ZNF207: variants seen among roughly 807,000 people sequenced by gnomAD.
ZNF207 encodes the protein zinc finger protein 207.
ZNF207 carries 24 observed loss-of-function variants against 60.2 expected under a neutral mutation model. The observed-to-expected ratio is 0.40, with a 90% CI of 0.29 to 0.56. ZNF207 has a LOEUF of 0.56. ZNF207 is among the 20% of genes least tolerant of loss of function. ZNF207 has a pLI of 0.49. For missense variants in ZNF207, 452 were observed against 636.6 expected, an observed-to-expected ratio of 0.71 and a Z score of 3.12; for synonymous variants, 236 against 194.7, an observed-to-expected ratio of 1.21 and a Z score of -1.77.
intron 2 of ZNF207, among the ~76,000 whole-genome samples, chr17:32,352,246 A>G (rs767954477): frequency 1.2e-4 from 18 of 152,098 alleles, no homozygotes; most frequent in Non-Finnish European, 2.5e-4. Context: ...CTGGGATTAC[A>G]GGCGTGAGCC....
In ZNF207 at chr17:32,358,577, T is replaced by C; in HGVS notation, c.243T>C (p.Gly81=). 1 of 1,554,830 alleles carries C rather than the reference T, an allele frequency of 6.4e-7. No homozygotes were observed. Among genetic ancestry groups the C allele is most frequent in the Non-Finnish European group, 8.6e-7 (1 of 1,157,478 alleles). The change falls in exon 3 of 12, where the codon GGT becomes GGC. Residue 81 remains glycine, a synonymous_variant. Transcript: ENST00000394670. ...GRTDIELEIY[G]MEGIPEKDMD... is the part of the protein sequence containing the mutation. ...CAGACATAGAGTTGGAAATATATGG[T>C]ATGGAAGGTATTCCAGAAAAAGACA...
Position 32,371,787 on chromosome 17 carries a change from G to A in ZNF207, c.*2028G>A, listed in dbSNP as rs1486792858. The A allele has an allele frequency of 6.6e-6, 1 of 152,162 alleles. No homozygotes were observed. The highest frequency in any genetic ancestry group is 1.5e-5 in the Non-Finnish European group (1 of 68,028). The allele number at this position is 152,162 out of a possible 1,614,324, so 9.4% of individuals were successfully genotyped here. A position where few individuals can be genotyped will look rare whatever the true frequency, so the allele number is the denominator to read the frequency against. On this transcript the variant is annotated 3_prime_UTR_variant, in exon 12 of 12. Coordinates refer to ENST00000394670, the MANE Select transcript of ZNF207 (RefSeq NM_001098507.2). ...TTCAATGATTTTGGCTCCTGTGCTT[G>A]TGGTACCATAGTGGTACAAAAATTT...
chr17:32,367,282 T>TGTATATATATATATATATATATATATAA (rs1905240469), intron 9 of ZNF207, among the ~76,000 whole-genome samples: 6 of 82,854 alleles, frequency 7.2e-5, no homozygotes, highest in Admixed American at 1.3e-4. Flanking sequence ...TATATATATA[T>TGTATATATATATATATATATATATATAA]ATAAAGAATA....
At chr17:32,365,529 G>C (rs756820691) in intron 8 of ZNF207, 42 bp downstream of exon 8, 73 of 1,598,442 alleles carry the variant, frequency 4.6e-5, no homozygotes, top group Non-Finnish European at 4.8e-5. Context: ...TATATTTAAA[G>C]ATAAAGTACA....
rs977827749 is a variant in ZNF207, at chr17:32,380,538, G to A, written c.*10779G>A. The A allele has an allele frequency of 6.6e-6, 1 of 152,134 alleles. No individual in the cohort carries two copies. 9.4% of individuals were successfully genotyped at this position (152,134 alleles called of 1,614,324 possible). The stretch of plus-strand genomic sequence containing the variant: ...CGATGATGGCTTTCAGTTTATTTAA[G>A]TCTTCTGTTTTTCAGCTCCAGTTAA... On this transcript the variant is annotated 3_prime_UTR_variant, in exon 12 of 12. Coordinates refer to ENST00000394670, the MANE Select transcript of ZNF207 (RefSeq NM_001098507.2).
At position 32,375,529 on chromosome 17, in the gene ZNF207, T is replaced by C. The variant is rs1352436612; in HGVS notation, c.*5770T>C. 2 of 152,122 alleles carry C rather than the reference T, an allele frequency of 1.3e-5. No individual in the cohort carries two copies. The highest frequency in any genetic ancestry group is 2.9e-5 in the Non-Finnish European group (2 of 67,948). 9.4% of individuals were successfully genotyped at this position (152,122 alleles called of 1,614,324 possible). ...GATAGTTCCTTTTTTTTTGTAGTTCTGTGACTCAGACAAATAAGATTTTGA... is the reference window on the plus strand; with the variant it reads ...GATAGTTCCTTTTTTTTTGTAGTTCCGTGACTCAGACAAATAAGATTTTGA... On this transcript the variant is annotated 3_prime_UTR_variant, in exon 12 of 12. Coordinates refer to ENST00000394670, the MANE Select transcript of ZNF207 (RefSeq NM_001098507.2).
At chr17:32,363,488 G>T (rs1904997920) in intron 7 of ZNF207, among the ~76,000 whole-genome samples, 2 of 120,490 alleles carry the variant, frequency 1.7e-5, no homozygotes, top group African/African-American at 6.1e-5. Context: ...GCTTGTATTT[G>T]TTAGGAATGT....
intron 8 of ZNF207, 106 bp from the exon 9 acceptor site, chr17:32,366,559 A>T (rs1159354297): frequency 1.3e-6 from 1 of 765,498 alleles, no homozygotes; most frequent in Non-Finnish European, 1.9e-6. Flanking sequence ...GATTGCATTA[A>T]ATTTTGCATT....
At position 32,365,377 on chromosome 17, in the gene ZNF207, G is replaced by A. The variant is rs3795244; in HGVS notation, c.718G>A (p.Ala240Thr). ...TCCTGGAATTCCTCCAATGACTCAAGCACAGGCTGTTTCAGCGCCAGGTAT... is the reference window on the plus strand; with the variant it reads ...TCCTGGAATTCCTCCAATGACTCAAACACAGGCTGTTTCAGCGCCAGGTAT... ...PRPGIPPMTQ[A>T]QAVSAPGILN... The change falls in exon 8 of 12, where the codon GCA (alanine) becomes ACA (threonine). Residue 240 changes from alanine to threonine, a missense_variant. Ala to Thr is a moderately conservative substitution (Grantham distance 58). This residue lies in a region of ZNF207 where 390 missense variants were observed against 461.4 expected (regional missense o/e 0.85). Coordinates refer to ENST00000394670, the MANE Select transcript of ZNF207 (RefSeq NM_001098507.2). The A allele has an allele frequency of 1.2e-6, 2 of 1,613,986 alleles. No individual in the cohort carries two copies. Among genetic ancestry groups the A allele is most frequent in the East Asian group, 2.2e-5 (1 of 44,880 alleles).
chr17:32,362,032 A>G (rs917283337), intron 6 of ZNF207, among the ~76,000 whole-genome samples: 3 of 151,812 alleles, frequency 2.0e-5, no homozygotes, highest in African/African-American at 7.3e-5. Flanking sequence ...TTTTTAAGTC[A>G]TGGTTTAGTG....
intron 9 of ZNF207, among the ~76,000 whole-genome samples, chr17:32,367,288 GA>G (rs1158458949): frequency 4.4e-5 from 2 of 44,972 alleles, no homozygotes; most frequent in Non-Finnish European, 1.1e-4. Context: ...TATATATAAA[GA>G]ATACTACTAA....
intron 2 of ZNF207, among the ~76,000 whole-genome samples, chr17:32,357,332 TATTA>T (rs1904567716): frequency 4.4e-5 from 4 of 90,974 alleles, no homozygotes; most frequent in African/African-American, 1.8e-4. Flanking sequence ...TTATTATTAT[TATTA>T]TTATTATTAT....
chr17:32,355,340 G>A (rs992851596), intron 2 of ZNF207, among the ~76,000 whole-genome samples: 1 of 152,194 alleles, frequency 6.6e-6, no homozygotes, highest in African/African-American at 2.4e-5. Context: ...AGTGAGCCGT[G>A]ATAGCACTAC....
At chr17:32,357,336 ATTATTATTATTATTATTT>A (rs1214514333) in intron 2 of ZNF207, among the ~76,000 whole-genome samples, 17 of 87,866 alleles carry the variant, frequency 1.9e-4, no homozygotes, top group African/African-American at 7.5e-4. Context: ...TATTATTATT[ATTATTATTATTATTATTT>A]TTTTTTTTTT....
Position 32,357,014 on chromosome 17 carries a change from G to A in ZNF207, c.169-1489G>A, listed in dbSNP as rs182260451. 4.2e-3 allele frequency among the ~76,000 whole-genome samples: 632 copies of A among 151,900 alleles called. 25 individuals are homozygous for A. Among genetic ancestry groups the A allele is most frequent in the Admixed American group, 0.037 (564 of 15,256 alleles). ...CTGGGGAACATAACAAAACTACCTCGCCACAGAAAATACAAAAATTAGCCA... is the reference window on the plus strand; with the variant it reads ...CTGGGGAACATAACAAAACTACCTCACCACAGAAAATACAAAAATTAGCCA... On this transcript the variant is annotated intron_variant, in intron 2 of 11. Transcript: ENST00000394670.
At chr17:32,363,571 G>A (rs996165802) in intron 7 of ZNF207, among the ~76,000 whole-genome samples, 1 of 90,070 alleles carries the variant, frequency 1.1e-5, no homozygotes, top group Non-Finnish European at 2.1e-5. Flanking sequence ...ATGGAATCTC[G>A]CTCTGTCACC....
chr17:32,376,519 T>C lies in ZNF207; in HGVS notation c.*6760T>C, dbSNP rs190577494. The C allele has an allele frequency of 5.9e-5, 9 of 152,208 alleles. No individual in the cohort carries two copies. The East Asian group carries it at 1.7e-3, about 29-fold the overall frequency. 9.4% of individuals were successfully genotyped at this position (152,208 alleles called of 1,614,324 possible). A position where few individuals can be genotyped will look rare whatever the true frequency, so the allele number is the denominator to read the frequency against. On this transcript the variant is annotated 3_prime_UTR_variant, in exon 12 of 12. Transcript: ENST00000394670. ...TCATCTCTCTTTAAATCTGTTCAGT[T>C]AGTCTCATGTATTCTCAGGGGAAAA...
At position 32,374,874 on chromosome 17, in the gene ZNF207, T is replaced by A. The variant is rs919289557; in HGVS notation, c.*5115T>A. 9 of 152,248 alleles carry A rather than the reference T, an allele frequency of 5.9e-5. No individual in the cohort carries two copies. Among genetic ancestry groups the A allele is most frequent in the Admixed American group, 4.6e-4 (7 of 15,282 alleles). The allele number at this position is 152,248 out of a possible 1,614,324, so 9.4% of individuals were successfully genotyped here. A position where few individuals can be genotyped will look rare whatever the true frequency, so the allele number is the denominator to read the frequency against. On this transcript the variant is annotated 3_prime_UTR_variant, in exon 12 of 12. Transcript: ENST00000394670. Reference sequence around the variant, plus strand: ...ATTTTCAGCCTCACTGAACAGTGTTTTACGCACATGTGAAAAGTATCCACA... The same window carrying A: ...ATTTTCAGCCTCACTGAACAGTGTTATACGCACATGTGAAAAGTATCCACA...
chr17:32,359,082 C>A (rs994679246), intron 3 of ZNF207, among the ~76,000 whole-genome samples: 1 of 148,950 alleles, frequency 6.7e-6, no homozygotes, highest in South Asian at 2.2e-4. Context: ...GGATTACAGG[C>A]GCAAGCCACC....
Sources: gnomAD v4.1 joint callset for allele counts (sites outside exome capture counted in the v4.1 genomes callset) on GRCh38, gnomAD v4.1.1 for gene constraint, gnomAD v4.1.1 regional missense constraint, MANE v1.5 for transcripts, NCBI Gene and HGNC (gene_info 2026-07-23, HGNC 2026-07-21) for gene names.